The following CABCOCO1 variants were observed in gnomAD, a reference collection of about 807,000 sequenced individuals.
The protein encoded by CABCOCO1 is ciliary-associated calcium-binding coiled-coil protein 1.
In CABCOCO1, 28 loss-of-function variants were observed where a neutral mutation model predicts 35.7. That is an observed-to-expected ratio of 0.78 (90% CI 0.58 to 1.07). The LOEUF (loss-of-function observed/expected upper bound fraction) is 1.07, where lower values mean the gene tolerates loss of function less well. Among genes scored for constraint, CABCOCO1 ranks in the 50% least tolerant of loss-of-function variants. The pLI, the probability that CABCOCO1 is intolerant of heterozygous loss-of-function variation, is 0.00. For synonymous variants in CABCOCO1, 95 were observed against 100.1 expected, an observed-to-expected ratio of 0.95 and a Z score of 0.30; for missense variants, 326 against 309.2, an observed-to-expected ratio of 1.05 and a Z score of -0.41.
intron 7 of CABCOCO1, among the ~76,000 whole-genome samples, chr10:61,765,467 G>T (rs530629137): frequency 6.6e-6 from 1 of 152,160 alleles, no homozygotes; most frequent in Non-Finnish European, 1.5e-5. Context: ...TATGGGAGTT[G>T]TTCTAATTGT....
At chr10:61,765,884 T>G in intron 7 of CABCOCO1, 55 bp from the exon 8 acceptor site, 3 of 1,497,144 alleles carry the variant, frequency 2.0e-6, no homozygotes, top group Non-Finnish European at 2.8e-6. Context: ...ACAAAGACAA[T>G]GTGCAGCAAA....
intron 6 of CABCOCO1, 73 bp from the exon 7 acceptor site, chr10:61,760,790 A>G (rs1841993379): frequency 1.4e-6 from 2 of 1,446,114 alleles, no homozygotes; most frequent in Non-Finnish European, 1.9e-6. Context: ...TTAAAACAAG[A>G]AGTTTTAGGT....
At chr10:61,729,049 A>T (rs921873309) in intron 5 of CABCOCO1, among the ~76,000 whole-genome samples, 1 of 152,164 alleles carries the variant, frequency 6.6e-6, no homozygotes, top group Non-Finnish European at 1.5e-5. Context: ...AAGGGGGAAG[A>T]CTAGAATAAA....
intron 5 of CABCOCO1, among the ~76,000 whole-genome samples, chr10:61,734,909 C>G (rs1841382475): frequency 6.6e-6 from 1 of 151,936 alleles, no homozygotes; most frequent in South Asian, 2.1e-4. Flanking sequence ...ATTTGTGAGA[C>G]CAGATTAGAT....
At chr10:61,712,486 CAT>C (rs1840755211) in intron 5 of CABCOCO1, among the ~76,000 whole-genome samples, 1 of 152,000 alleles carries the variant, frequency 6.6e-6, no homozygotes, top group Non-Finnish European at 1.5e-5. Context: ...TTTCTTTTGC[CAT>C]GCAGAAGCAC....
intron 1 of CABCOCO1, among the ~76,000 whole-genome samples, chr10:61,667,082 A>G (rs1839206180): frequency 7.0e-6 from 1 of 143,230 alleles, no homozygotes; most frequent in Admixed American, 7.2e-5. Context: ...TATATATTAT[A>G]TATAAATTTC....
chr10:61,757,110 A>C (rs1331270443), intron 5 of CABCOCO1, among the ~76,000 whole-genome samples: 2 of 152,052 alleles, frequency 1.3e-5, no homozygotes, highest in Non-Finnish European at 2.9e-5. Context: ...TTGTTAAAAA[A>C]AAAAATACAA....
At chr10:61,756,283 A>G (rs771663710) in intron 5 of CABCOCO1, among the ~76,000 whole-genome samples, 21 of 152,054 alleles carry the variant, frequency 1.4e-4, no homozygotes, top group Non-Finnish European at 1.5e-4. Flanking sequence ...GAACAATATA[A>G]CTAACTTAAT....
At chr10:61,758,671 G>A (rs1343349939) in intron 5 of CABCOCO1, among the ~76,000 whole-genome samples, 1 of 152,014 alleles carries the variant, frequency 6.6e-6, no homozygotes, top group Non-Finnish European at 1.5e-5. Context: ...GCACACCAGG[G>A]TTTAATTCCC....
At chr10:61,686,244 T>C (rs1839959197) in intron 4 of CABCOCO1, 59 bp downstream of exon 4, 7 of 1,408,158 alleles carry the variant, frequency 5.0e-6, no homozygotes, top group Non-Finnish European at 6.7e-6. Flanking sequence ...AAAATGTCTG[T>C]TAAGTAAAAA....
intron 7 of CABCOCO1, among the ~76,000 whole-genome samples, chr10:61,763,818 C>T (rs1344982013): frequency 2.0e-5 from 3 of 151,156 alleles, no homozygotes; most frequent in African/African-American, 7.3e-5. Context: ...CCAGACCCAA[C>T]CATAGTATTT....
chr10:61,748,161 G>GAAA (rs10680460), intron 5 of CABCOCO1, among the ~76,000 whole-genome samples: 2,195 of 148,374 alleles, frequency 0.015, 34 homozygotes, highest in East Asian at 0.041. Context: ...AGATACGGGG[G>GAAA]AAAAAAAAAA....
chr10:61,726,488 T>C (rs1399071878), intron 5 of CABCOCO1, among the ~76,000 whole-genome samples: 2 of 152,114 alleles, frequency 1.3e-5, no homozygotes, highest in Non-Finnish European at 2.9e-5. Context: ...AAAATATTTA[T>C]CTAATTATTT....
chr10:61,690,955 A>G (rs1343642646), intron 5 of CABCOCO1, among the ~76,000 whole-genome samples: 1 of 152,164 alleles, frequency 6.6e-6, no homozygotes, highest in Non-Finnish European at 1.5e-5. Flanking sequence ...ATAATTATAT[A>G]AAGTAAAGGT....
intron 5 of CABCOCO1, among the ~76,000 whole-genome samples, chr10:61,703,045 C>A: frequency 6.6e-6 from 1 of 151,824 alleles, no homozygotes; most frequent in Non-Finnish European, 1.5e-5. Flanking sequence ...TTTGCCTGAA[C>A]CACTAATGAC....
At chr10:61,681,046 T>G (rs1366961628) in intron 2 of CABCOCO1, 97 bp from the exon 3 acceptor site, 6 of 656,318 alleles carry the variant, frequency 9.1e-6, no homozygotes, top group Non-Finnish European at 1.3e-5. Context: ...TTTCAGATTA[T>G]GGGCATTAAA....
At chr10:61,728,693 G>A (rs988624330) in intron 5 of CABCOCO1, among the ~76,000 whole-genome samples, 1 of 152,104 alleles carries the variant, frequency 6.6e-6, no homozygotes, top group Admixed American at 6.6e-5. Context: ...TTTTGACCAA[G>A]CTAAGCTTCT....
At position 61,760,258 on chromosome 10, in the gene CABCOCO1, G is replaced by A. The variant is rs1841982241; in HGVS notation, c.675+77G>A. 3 of 1,490,562 alleles carry A rather than the reference G, an allele frequency of 2.0e-6. No individual in the cohort carries two copies. The East Asian group carries it at 6.9e-5, about 34-fold the overall frequency. 92.3% of individuals were successfully genotyped at this position (1,490,562 alleles called of 1,614,324 possible). On this transcript the variant is annotated intron_variant, in intron 6 of 7. Coordinates refer to ENST00000648843, the MANE Select transcript of CABCOCO1 (RefSeq NM_001366906.2). ...TGGGGTGGGAGGAAACGAACTAAAT[G>A]TTTTCTTCATTTTCTTTGCCTCTGA...
chr10:61,692,383 T>G (rs1464443235), intron 5 of CABCOCO1, among the ~76,000 whole-genome samples: 1 of 152,128 alleles, frequency 6.6e-6, no homozygotes, highest in African/African-American at 2.4e-5. Flanking sequence ...CCTTGTAGAT[T>G]CCAGGAAATC....
Sources: gnomAD v4.1 joint callset for allele counts (sites outside exome capture counted in the v4.1 genomes callset) on GRCh38, gnomAD v4.1.1 for gene constraint, MANE v1.5 for transcripts, NCBI Gene and HGNC (gene_info 2026-07-23, HGNC 2026-07-21) for gene names.